Variants in CSMD1 observed in about 807,000 individuals in gnomAD.
CSMD1 encodes CUB and Sushi multiple domains 1.
Under a neutral mutation model 417.5 loss-of-function variants are expected in CSMD1, and 213 were observed. That is an observed-to-expected ratio of 0.51 (90% CI 0.46 to 0.57). CSMD1 has a LOEUF of 0.57. CSMD1 is among the 20% of genes least tolerant of loss of function. CSMD1 has a pLI of 0.00. For missense variants in CSMD1, 6,923 were observed against 4,529.7 expected (o/e 1.53, Z -15.17); for synonymous variants, 2,862 against 1,736.8 (o/e 1.65, Z -16.11).
chr8:3,424,311 G>A (rs534536932), intron 12 of CSMD1, among the ~76,000 whole-genome samples: 1 of 152,160 alleles, frequency 6.6e-6, no homozygotes, highest in Admixed American at 6.5e-5. Context: ...TATTAATTTT[G>A]AGTACAATCT....
chr8:4,534,259 G>C (rs560743438), intron 2 of CSMD1, among the ~76,000 whole-genome samples: 5 of 152,186 alleles, frequency 3.3e-5, no homozygotes, highest in African/African-American at 4.8e-5. Context: ...CAAGGATGCT[G>C]AAGGACGCCC....
intron 26 of CSMD1, among the ~76,000 whole-genome samples, chr8:3,238,959 A>T (rs1283606796): frequency 1.3e-5 from 2 of 152,142 alleles, no homozygotes; most frequent in East Asian, 3.9e-4. Flanking sequence ...GACAGAAGAT[A>T]GTAGGGATGA....
chr8:4,811,808 T>C (rs1426120809), intron 1 of CSMD1, among the ~76,000 whole-genome samples: 5 of 152,182 alleles, frequency 3.3e-5, no homozygotes, highest in African/African-American at 1.2e-4. Context: ...AAGTTTTGCA[T>C]AGACATAGGA....
chr8:4,829,004 A>C (rs760937716), intron 1 of CSMD1, among the ~76,000 whole-genome samples: 2 of 152,120 alleles, frequency 1.3e-5, no homozygotes, highest in African/African-American at 2.4e-5. Context: ...AACTGCACTA[A>C]TTATTATTAT....
intron 12 of CSMD1, among the ~76,000 whole-genome samples, chr8:3,442,236 T>C (rs1255851013): frequency 6.6e-6 from 1 of 152,128 alleles, no homozygotes; most frequent in African/African-American, 2.4e-5. Context: ...TACAGTAAGC[T>C]AAGGTTAATT....
intron 1 of CSMD1, among the ~76,000 whole-genome samples, chr8:4,729,976 T>C (rs1041900324): frequency 1.3e-5 from 2 of 152,124 alleles, no homozygotes; most frequent in Non-Finnish European, 2.9e-5. Flanking sequence ...ACGGGACAAA[T>C]CACTTCTCCT....
chr8:4,612,052 C>T (rs773128081), intron 2 of CSMD1, among the ~76,000 whole-genome samples: 4 of 152,044 alleles, frequency 2.6e-5, no homozygotes, highest in Non-Finnish European at 4.4e-5. Flanking sequence ...TGGTTCCCGG[C>T]GTGTCCCTAG....
intron 3 of CSMD1, among the ~76,000 whole-genome samples, chr8:4,365,515 G>A (rs77405095): frequency 1.3e-5 from 2 of 152,192 alleles, no homozygotes; most frequent in East Asian, 1.9e-4. Flanking sequence ...TCCAGGCGTT[G>A]TGATTAAATT....
intron 5 of CSMD1, among the ~76,000 whole-genome samples, chr8:3,921,161 G>C (rs1352216108): frequency 6.6e-6 from 1 of 152,048 alleles, no homozygotes; most frequent in Non-Finnish European, 1.5e-5. Context: ...GACCCTTTGA[G>C]ATTTTCTGTT....
intron 8 of CSMD1, among the ~76,000 whole-genome samples, chr8:3,600,770 G>A (rs532156206): frequency 1.3e-5 from 2 of 152,026 alleles, no homozygotes; most frequent in Admixed American, 6.5e-5. Flanking sequence ...GTCATAAATA[G>A]CAGTCATTGT....
In CSMD1 at chr8:3,411,972, A is replaced by ATATATACACGTATATATGTATACGTG. The variant is rs1812793396; in HGVS notation, c.1562-2368_1562-2367insCACGTATACATATATACGTGTATATA. Among the ~76,000 whole-genome samples the ATATATACACGTATATATGTATACGTG allele has an allele frequency of 2.8e-3, 15 of 5,304 alleles. 1 individual carries two copies. The highest frequency in any genetic ancestry group is 3.8e-3 in the Non-Finnish European group (10 of 2,602). The allele number at this position is 5,304 out of a possible 152,430, so 3.5% of individuals were successfully genotyped here. A position where few individuals can be genotyped will look rare whatever the true frequency, so the allele number is the denominator to read the frequency against. The stretch of plus-strand genomic sequence containing the variant: ...TATATATACACGTATATATGCACGT[A>ATATATACACGTATATATGTATACGTG]TATATACACGTATATATACGTGTAT... On this transcript the variant is annotated intron_variant, in intron 12 of 69. Coordinates refer to ENST00000635120, the MANE Select transcript of CSMD1 (RefSeq NM_033225.6).
chr8:3,461,460 G>T (rs146545544), intron 12 of CSMD1, among the ~76,000 whole-genome samples: 1 of 152,218 alleles, frequency 6.6e-6, no homozygotes, highest in African/African-American at 2.4e-5. Context: ...AGGAACTGAG[G>T]AGGGGAAGCA....
chr8:4,752,637 G>T (rs1374817152), intron 1 of CSMD1, among the ~76,000 whole-genome samples: 2 of 152,186 alleles, frequency 1.3e-5, no homozygotes, highest in Non-Finnish European at 1.5e-5. Context: ...GGGGAAAATT[G>T]ATGTGCCATA....
At chr8:4,577,339 T>C (rs1245639265) in intron 2 of CSMD1, among the ~76,000 whole-genome samples, 1 of 152,218 alleles carries the variant, frequency 6.6e-6, no homozygotes, top group Non-Finnish European at 1.5e-5. Flanking sequence ...CCAAAATATT[T>C]AGGAGAGCTT....
intron 5 of CSMD1, among the ~76,000 whole-genome samples, chr8:3,765,312 T>A (rs541699576): frequency 6.6e-6 from 1 of 152,242 alleles, no homozygotes; most frequent in Admixed American, 6.5e-5. Flanking sequence ...TGTAAATCCT[T>A]CCCAAATTTC....
chr8:4,638,505 C>G (rs962762265), intron 1 of CSMD1, among the ~76,000 whole-genome samples: 3 of 152,198 alleles, frequency 2.0e-5, no homozygotes, highest in African/African-American at 7.2e-5. Context: ...AAAACGAGGA[C>G]TGTAACAACA....
intron 26 of CSMD1, among the ~76,000 whole-genome samples, chr8:3,242,160 G>T (rs547914617): frequency 1.3e-5 from 2 of 151,928 alleles, no homozygotes; most frequent in Admixed American, 6.6e-5. Context: ...TAAATTGCTG[G>T]GCAGGTGGGG....
At chr8:3,528,087 A>G (rs182301544) in intron 10 of CSMD1, among the ~76,000 whole-genome samples, 32 of 152,318 alleles carry the variant, frequency 2.1e-4, no homozygotes, top group South Asian at 4.1e-4. Flanking sequence ...AGAACCACTG[A>G]TACAGGGGGA....
At chr8:3,240,595 GC>G (rs1368140571) in intron 26 of CSMD1, among the ~76,000 whole-genome samples, 1 of 152,052 alleles carries the variant, frequency 6.6e-6, no homozygotes, top group Non-Finnish European at 1.5e-5. Flanking sequence ...CGGCAGTACA[GC>G]CCGGGTAATC....
Sources: gnomAD v4.1 joint callset for allele counts (sites outside exome capture counted in the v4.1 genomes callset) on GRCh38, gnomAD v4.1.1 for gene constraint, MANE v1.5 for transcripts, NCBI Gene and HGNC (gene_info 2026-07-23, HGNC 2026-07-21) for gene names.